Variants in MMP28 observed in about 807,000 individuals in gnomAD.
MMP28 encodes matrix metallopeptidase 28.
Under a neutral mutation model 60.5 loss-of-function variants are expected in MMP28, and 55 were observed. That is an observed-to-expected ratio of 0.91 (90% CI 0.73 to 1.14). The LOEUF (loss-of-function observed/expected upper bound fraction) is 1.14. MMP28 is among the 50% of genes most tolerant of loss of function. The pLI is 0.00. For missense variants in MMP28, 686 were observed against 738.3 expected (o/e 0.93, Z 0.82); for synonymous variants, 318 against 312.5 (o/e 1.02, Z -0.18).
At chr17:35,770,654 A>C (rs993154567) in intron 4 of MMP28, among the ~76,000 whole-genome samples, 1 of 152,016 alleles carries the variant, frequency 6.6e-6, no homozygotes, top group African/African-American at 2.4e-5. Flanking sequence ...TAACTTCCTG[A>C]TCTGCAAATG....
At chr17:35,770,450 G>C in intron 4 of MMP28, 138 bp from the exon 5 acceptor site, 1 of 1,152,738 alleles carries the variant, frequency 8.7e-7, no homozygotes, top group Non-Finnish European at 1.2e-6. Context: ...GGCAGAACCT[G>C]AAGTGTGCAG....
chr17:35,780,803 C>A (rs138542541), intron 1 of MMP28, among the ~76,000 whole-genome samples: 3,658 of 151,524 alleles, frequency 0.024, 158 homozygotes, highest in African/African-American at 0.083. Flanking sequence ...CAGCTGCACT[C>A]CAGCCTGGGC....
At chr17:35,786,248 G>A (rs2086645666) in intron 1 of MMP28, among the ~76,000 whole-genome samples, 2 of 151,832 alleles carry the variant, frequency 1.3e-5, no homozygotes, top group African/African-American at 4.8e-5. Context: ...AGTAGAAACG[G>A]GGTTTCACCA....
chr17:35,770,227 G>T lies in MMP28; in HGVS notation c.690C>A (p.Arg230=). Residue 230 remains arginine (R), a synonymous_variant, in exon 5 of 8, where the codon CGC becomes CGA. Coordinates refer to ENST00000605424, the MANE Select transcript of MMP28 (RefSeq NM_024302.5). ...QDERWSLSRR[R]GRNLFVVLAH... Reference sequence around the variant, plus strand: ...CCAGCACCACGAACAGGTTGCGCCCGCGGCGGCGGCTCAGGGACCAGCGCT... The same window carrying T: ...CCAGCACCACGAACAGGTTGCGCCCTCGGCGGCGGCTCAGGGACCAGCGCT... 2 of 1,594,792 alleles carry T rather than the reference G, an allele frequency of 1.3e-6. No homozygotes were observed. The highest frequency in any genetic ancestry group is 1.7e-6 in the Non-Finnish European group (2 of 1,175,966).
chr17:35,763,964 C>G, downstream of MMP28: 1 of 1,391,542 alleles, frequency 7.2e-7, no homozygotes, highest in Non-Finnish European at 9.4e-7. Context: ...TGGACCCTTT[C>G]TCGGGGACAG....
intron 1 of MMP28, among the ~76,000 whole-genome samples, chr17:35,794,245 C>CT (rs749895795): frequency 0.03 from 3,983 of 133,602 alleles, 136 homozygotes; most frequent in East Asian, 0.13. Flanking sequence ...ATTACAACCA[C>CT]TTTTTTTTTT....
At chr17:35,770,414 G>A in intron 4 of MMP28, 102 bp from the exon 5 acceptor site, 2 of 1,371,838 alleles carry the variant, frequency 1.5e-6, no homozygotes, top group Middle Eastern at 2.7e-4. Flanking sequence ...GCTGTTCTCT[G>A]CTGTATAGTT....
chr17:35,770,448 C>CTGA, intron 4 of MMP28, 136 bp from the exon 5 acceptor site: 1 of 1,178,994 alleles, frequency 8.5e-7, no homozygotes, highest in Non-Finnish European at 1.1e-6. Context: ...CTGGCAGAAC[C>CTGA]TGAAGTGTGC....
At chr17:35,769,667 A>G (rs560263241) in intron 5 of MMP28, among the ~76,000 whole-genome samples, 1 of 150,480 alleles carries the variant, frequency 6.6e-6, no homozygotes, top group Non-Finnish European at 1.5e-5. Context: ...TGGCTGGGGC[A>G]GGAATGAAGG....
At chr17:35,759,362 C>T (rs76665444) in intron 2 of MMP28, among the ~76,000 whole-genome samples, 10,386 of 152,172 alleles carry the variant, frequency 0.068, 490 homozygotes, top group South Asian at 0.18. Flanking sequence ...CGTAGTGCCT[C>T]CTTTCTGAGC....
intron 1 of MMP28, among the ~76,000 whole-genome samples, chr17:35,784,571 A>G (rs1236371659): frequency 6.6e-6 from 1 of 152,060 alleles, no homozygotes; most frequent in Non-Finnish European, 1.5e-5. Flanking sequence ...TGCAAAGGTA[A>G]GAGAAATGGT....
At chr17:35,792,962 C>A (rs916914405) in intron 1 of MMP28, among the ~76,000 whole-genome samples, 1 of 152,150 alleles carries the variant, frequency 6.6e-6, no homozygotes, top group Non-Finnish European at 1.5e-5. Context: ...CCATGGTTTA[C>A]GTATGGGTTT....
At chr17:35,768,024 G>T in intron 6 of MMP28, 105 bp from the exon 7 acceptor site, 1 of 1,385,884 alleles carries the variant, frequency 7.2e-7, no homozygotes, top group Non-Finnish European at 9.8e-7. Flanking sequence ...ACAAGCATAG[G>T]GTATGGTGTG....
At chr17:35,765,084 T>C (rs1243156901), downstream of MMP28, 1 of 152,466 alleles carries the variant, frequency 6.6e-6, no homozygotes, top group African/African-American at 2.4e-5. Flanking sequence ...GTGTCAGTGC[T>C]TTGAGGTGGC....
At chr17:35,770,395 G>A in intron 4 of MMP28, 83 bp from the exon 5 acceptor site, 1 of 1,408,248 alleles carries the variant, frequency 7.1e-7, no homozygotes, top group Non-Finnish European at 9.3e-7. Flanking sequence ...TGCCACTGGG[G>A]TGTGTGTGGC....
chr17:35,764,504 C>T (rs1568123451), downstream of MMP28: 2 of 1,589,522 alleles, frequency 1.3e-6, no homozygotes, highest in South Asian at 1.1e-5. Context: ...GTGCTTGCTG[C>T]GAGCTCCTCT....
At chr17:35,785,100 A>C (rs1301671930) in intron 1 of MMP28, among the ~76,000 whole-genome samples, 2 of 152,116 alleles carry the variant, frequency 1.3e-5, no homozygotes, top group Non-Finnish European at 2.9e-5. Flanking sequence ...GTAAAATGGA[A>C]CTAGTTCTCC....
chr17:35,795,268 T>C lies in MMP28; in HGVS notation c.110A>G (p.Glu37Gly). ...CTCCGCCAGGTACACACGGCGTACC[T>C]CCGCCTCCTTGCGCAGCTCCTGGCC... is the stretch of plus-strand genomic sequence containing the variant. ...RGGQELRKEA[E>G]AFLEKYGYLN... The change falls in exon 1 of 8, where the codon GAG becomes GGG. Residue 37 changes from glutamate to glycine, a missense_variant and splice_region_variant. Transcript: ENST00000605424. 1 of 1,428,362 alleles carries C rather than the reference T, an allele frequency of 7.0e-7. No homozygotes were observed. 88.5% of individuals were successfully genotyped at this position (1,428,362 alleles called of 1,614,324 possible).
At position 35,789,982 on chromosome 17, in the gene MMP28, G is replaced by A. The variant is rs369109089; in HGVS notation, c.111+5285C>T. Among the ~76,000 whole-genome samples the A allele has an allele frequency of 4.9e-3, 727 of 149,436 alleles. 9 individuals are homozygous for A. Among genetic ancestry groups the A allele is most frequent in the African/African-American group, 0.017 (688 of 40,594 alleles). On this transcript the variant is annotated intron_variant, in intron 1 of 7. Transcript: ENST00000605424. ...TCACAATGTTGGCCAGGCTAGTCTC[G>A]AATTCCTGATCTCAGGTGATCCACC...
Sources: allele counts gnomAD v4.1 joint callset (sites outside exome capture counted in the v4.1 genomes callset), GRCh38; gene constraint gnomAD v4.1.1; transcripts MANE v1.5; gene names NCBI Gene and HGNC (gene_info 2026-07-23, HGNC 2026-07-21).